GMPS: variants seen among roughly 807,000 people sequenced by gnomAD.
GMPS encodes guanosine monophosphate synthase, also known as GMP synthase [glutamine-hydrolyzing].
A neutral mutation model predicts 77.9 loss-of-function variants in GMPS; 15 were observed. That is an observed-to-expected ratio of 0.19 (90% CI 0.13 to 0.30). The LOEUF (loss-of-function observed/expected upper bound fraction) is 0.30. Among genes scored for constraint, GMPS ranks in the 10% least tolerant of loss-of-function variants. GMPS has a pLI of 1.00. For synonymous variants in GMPS, 224 were observed against 275.9 expected (o/e 0.81, Z 1.86); for missense variants, 590 against 838.8 (o/e 0.70, Z 3.66).
intron 9 of GMPS, among the ~76,000 whole-genome samples, chr3:155,916,908 C>A (rs1279810760): frequency 6.6e-6 from 1 of 152,010 alleles, no homozygotes; most frequent in Non-Finnish European, 1.5e-5. Context: ...ACATCCTCAC[C>A]AAGACTTGTT....
intron 3 of GMPS, among the ~76,000 whole-genome samples, chr3:155,898,943 A>C (rs1754664596): frequency 6.6e-6 from 1 of 152,366 alleles, no homozygotes; most frequent in Non-Finnish European, 1.5e-5. Context: ...ATCAAAAGTA[A>C]GAATAGGCCA....
At chr3:155,874,512 T>G (rs1353866158) in intron 1 of GMPS, among the ~76,000 whole-genome samples, 1 of 152,220 alleles carries the variant, frequency 6.6e-6, no homozygotes, top group Non-Finnish European at 1.5e-5. Context: ...TTGTCACAAC[T>G]TAGTAAATTT....
At chr3:155,899,906 G>T (rs1265337405) in intron 3 of GMPS, among the ~76,000 whole-genome samples, 1 of 152,084 alleles carries the variant, frequency 6.6e-6, no homozygotes, top group Non-Finnish European at 1.5e-5. Context: ...GTTCTTCCAT[G>T]TCTTTTCAGT....
rs777824080 is a variant in GMPS at position 155,910,841 on chromosome 3, T to C, written c.676T>C (p.Cys226Arg). The C allele has an allele frequency of 1.2e-6, 2 of 1,604,874 alleles. No homozygotes were observed. The highest frequency in any genetic ancestry group is 1.7e-6 in the Non-Finnish European group (2 of 1,177,452). ...CACCGTGCAGAACAGAGAACTTGAG[T>C]GTATTCGAGAGATCAAAGAGAGAGT... ...TFTVQNRELECIREIKERVGT... is the reference protein window; with the variant it reads ...TFTVQNRELERIREIKERVGT... Residue 226 changes from cysteine to arginine, a missense_variant, in exon 6 of 16, where the codon TGT (cysteine) becomes CGT (arginine). Around this residue, in one of 6 missense-constraint regions of GMPS, gnomAD observed 181 missense variants for 186.8 expected, o/e 0.97. Transcript: ENST00000496455.
intron 2 of GMPS, among the ~76,000 whole-genome samples, chr3:155,897,083 T>G (rs1196032177): frequency 6.6e-6 from 1 of 152,118 alleles, no homozygotes; most frequent in African/African-American, 2.4e-5. Context: ...TTGGTTGTAG[T>G]TATGCAGGAG....
chr3:155,891,603 ACT>A (rs1754465778), intron 1 of GMPS, among the ~76,000 whole-genome samples: 1 of 119,776 alleles, frequency 8.3e-6, no homozygotes, highest in Non-Finnish European at 1.8e-5. Context: ...TTTGTTTGTT[ACT>A]TTTTTTTTTT....
chr3:155,884,096 A>G (rs936426535), intron 1 of GMPS, among the ~76,000 whole-genome samples: 3 of 151,344 alleles, frequency 2.0e-5, no homozygotes, highest in African/African-American at 7.3e-5. Context: ...TTTAAATATC[A>G]TGAGGCAGGC....
chr3:155,891,875 C>A (rs925972688), intron 1 of GMPS, among the ~76,000 whole-genome samples: 1 of 151,904 alleles, frequency 6.6e-6, no homozygotes, highest in African/African-American at 2.4e-5. Flanking sequence ...CAAAGTGCTG[C>A]GATTACAGCT....
In GMPS at chr3:155,939,445, A is replaced by G. The variant is rs1307667302; in HGVS notation, c.*1753A>G. ...AATAGAGAGTAAGAATGTGTGTTCT[A>G]TGGAACACTGCTCCACTGAGAAGGT... On this transcript the variant is annotated 3_prime_UTR_variant, in exon 16 of 16. Transcript: ENST00000496455. The G allele has an allele frequency of 4.9e-6, 1 of 204,578 alleles. No individual in the cohort carries two copies. The highest frequency in any genetic ancestry group is 2.3e-5 in the African/African-American group (1 of 43,844). The allele number at this position is 204,578 out of a possible 1,614,324, so 12.7% of individuals were successfully genotyped here. A position where few individuals can be genotyped will look rare whatever the true frequency, so the allele number is the denominator to read the frequency against.
rs766368028 is a variant in GMPS at position 155,897,958 on chromosome 3, G to A, written c.241G>A (p.Val81Met). 2 of 1,601,074 alleles carry A rather than the reference G, an allele frequency of 1.2e-6. No homozygotes were observed. Among genetic ancestry groups the A allele is most frequent in the Non-Finnish European group, 1.7e-6 (2 of 1,168,320 alleles). Residue 81 changes from valine (V) to methionine (M), a missense_variant, in exon 3 of 16, where the codon GTG becomes ATG. Transcript: ENST00000496455. ...TATCATCTCTGGAGGACCTAATTCTGTGTATGCTGAAGATGCTCCCTGGTT... is the reference window on the plus strand; with the variant it reads ...TATCATCTCTGGAGGACCTAATTCTATGTATGCTGAAGATGCTCCCTGGTT... ...AIIISGGPNS[V>M]YAEDAPWFDP...
chr3:155,943,831 C>T lies in GMPS; in HGVS notation c.*6139C>T, dbSNP rs559918452. ...TCAGAATATGGGACATAAGAAATTGCATATAGTGTCAAGGGTTTCTATATA... is the reference window on the plus strand; with the variant it reads ...TCAGAATATGGGACATAAGAAATTGTATATAGTGTCAAGGGTTTCTATATA... On this transcript the variant is annotated 3_prime_UTR_variant, in exon 16 of 16. Coordinates refer to ENST00000496455, the MANE Select transcript of GMPS (RefSeq NM_003875.3). 4.5e-5 allele frequency: 7 copies of T among 154,858 alleles called. No homozygotes were observed. The East Asian group carries it at 1.1e-3, about 23-fold the overall frequency. 9.6% of individuals were successfully genotyped at this position (154,858 alleles called of 1,614,324 possible). A position where few individuals can be genotyped will look rare whatever the true frequency, so the allele number is the denominator to read the frequency against.
chr3:155,936,586 A>G, intron 15 of GMPS, 76 bp downstream of exon 15: 4 of 811,712 alleles, frequency 4.9e-6, no homozygotes, highest in Non-Finnish European at 8.1e-6. Flanking sequence ...GGAATAGGCT[A>G]TGCCAGTGCT....
chr3:155,910,838 G>C lies in GMPS; in HGVS notation c.673G>C (p.Glu225Gln). The change falls in exon 6 of 16, where the codon GAG (glutamate) becomes CAG (glutamine). Residue 225 changes from glutamate to glutamine, a missense_variant. Physicochemically the swap from Glu to Gln is conservative, Grantham distance 29. Around this residue, in one of 6 missense-constraint regions of GMPS, gnomAD observed 181 missense variants for 186.8 expected, o/e 0.97. Coordinates refer to ENST00000496455, the MANE Select transcript of GMPS (RefSeq NM_003875.3). ...CTTCACCGTGCAGAACAGAGAACTT[G>C]AGTGTATTCGAGAGATCAAAGAGAG... is the stretch of plus-strand genomic sequence containing the variant. ...GTFTVQNREL[E>Q]CIREIKERVG... The C allele has an allele frequency of 6.2e-7, 1 of 1,605,244 alleles. No homozygotes were observed. Among genetic ancestry groups the C allele is most frequent in the African/African-American group, 1.3e-5 (1 of 74,508 alleles).
At chr3:155,923,159 A>G (rs1214627201) in intron 11 of GMPS, among the ~76,000 whole-genome samples, 1 of 152,198 alleles carries the variant, frequency 6.6e-6, no homozygotes, top group Non-Finnish European at 1.5e-5. Context: ...AATGTATAAG[A>G]GACTACTAAA....
chr3:155,875,474 A>C (rs1186022602), intron 1 of GMPS, among the ~76,000 whole-genome samples: 1 of 152,200 alleles, frequency 6.6e-6, no homozygotes, highest in East Asian at 1.9e-4. Flanking sequence ...CAGGTGATCC[A>C]CCGGCCTCAC....
chr3:155,921,018 G>A lies in GMPS; in HGVS notation c.1319-1169G>A, dbSNP rs138117649. ...GCACTTTGGGAGGCCTAGGCAGGCA[G>A]ATCACTTGAGGTCAGGAGTTCCAGA... On this transcript the variant is annotated intron_variant, in intron 10 of 15. Coordinates refer to ENST00000496455, the MANE Select transcript of GMPS (RefSeq NM_003875.3). 4.7e-3 allele frequency among the ~76,000 whole-genome samples: 711 copies of A among 152,272 alleles called. 11 individuals carry two copies. The highest frequency in any genetic ancestry group is 0.016 in the African/African-American group (660 of 41,558).
intron 1 of GMPS, among the ~76,000 whole-genome samples, chr3:155,887,117 G>A (rs1303499647): frequency 6.6e-6 from 1 of 152,112 alleles, no homozygotes; most frequent in African/African-American, 2.4e-5. Flanking sequence ...CAGCCAGAAA[G>A]GACAGCATAC....
chr3:155,941,660 G>A lies in GMPS; in HGVS notation c.*3968G>A, dbSNP rs1026550162. 4.5e-6 allele frequency: 1 copy of A among 222,496 alleles called. No homozygotes were observed. Among genetic ancestry groups the A allele is most frequent in the Non-Finnish European group, 9.0e-6 (1 of 111,462 alleles). 13.8% of individuals were successfully genotyped at this position (222,496 alleles called of 1,614,324 possible). On this transcript the variant is annotated 3_prime_UTR_variant, in exon 16 of 16. Transcript: ENST00000496455. ...TGCTTCTTTCATTGACCCAAATCCA[G>A]AATGTAATGGGGAACTGAATACAAG...
chr3:155,933,883 T>G (rs992565430), intron 13 of GMPS, among the ~76,000 whole-genome samples: 1 of 152,216 alleles, frequency 6.6e-6, no homozygotes, highest in African/African-American at 2.4e-5. Flanking sequence ...TGATTCTAAT[T>G]TCCTCAAGTT....
Sources: allele counts gnomAD v4.1 joint callset (sites outside exome capture counted in the v4.1 genomes callset), GRCh38; gene constraint gnomAD v4.1.1; regional missense constraint gnomAD v4.1.1; transcripts MANE v1.5; gene names NCBI Gene and HGNC (gene_info 2026-07-23, HGNC 2026-07-21).